Variants in MYO18A observed in about 807,000 individuals in gnomAD.
MYO18A encodes unconventional myosin-XVIIIa.
In MYO18A, 78 loss-of-function variants were observed where a neutral mutation model predicts 235.8. The observed-to-expected ratio is 0.33, with a 90% CI of 0.28 to 0.40. MYO18A has a LOEUF of 0.40. Among genes scored for constraint, MYO18A ranks in the 10% least tolerant of loss-of-function variants. The pLI is 1.00. For synonymous variants in MYO18A, 977 were observed against 1,077.8 expected, an observed-to-expected ratio of 0.91 and a Z score of 1.83; for missense variants, 2,215 against 2,699.3, an observed-to-expected ratio of 0.82 and a Z score of 3.98.
In MYO18A at chr17:29,109,959, C is replaced by T. The variant is rs1335591766; in HGVS notation, c.3230G>A (p.Gly1077Glu). The change falls in exon 19 of 42, where the codon GGA becomes GAA. Residue 1077 changes from glycine to glutamate, a missense_variant. Physicochemically the swap from Gly to Glu is moderately conservative, Grantham distance 98 (BLOSUM62 -2). Transcript: ENST00000527372. This position sits in a 1 kb window ranked among gnomAD's most constrained non-coding sequence, Gnocchi z 4.1. ...CAGGAGCCCAGCCTCGCAGTGGTCTCCCGAGGGCAGGTCCAGCTCACTGCT... is the reference window on the plus strand; with the variant it reads ...CAGGAGCCCAGCCTCGCAGTGGTCTTCCGAGGGCAGGTCCAGCTCACTGCT... The part of the protein sequence containing the change: ...SSSSELDLPS[G>E]DHCEAGLLQL... 5.0e-6 allele frequency: 8 copies of T among 1,609,698 alleles called. No individual in the cohort carries two copies. Among genetic ancestry groups the T allele is most frequent in the Non-Finnish European group, 5.9e-6 (7 of 1,178,338 alleles).
chr17:29,095,647 C>T (rs935222641), intron 28 of MYO18A, among the ~76,000 whole-genome samples: 11 of 152,218 alleles, frequency 7.2e-5, no homozygotes, highest in Admixed American at 4.6e-4. Context: ...CAGGGGGCCT[C>T]GTTCTTCACT....
intron 2 of MYO18A, among the ~76,000 whole-genome samples, chr17:29,139,151 C>A (rs1284646641): frequency 1.3e-5 from 2 of 152,152 alleles, no homozygotes; most frequent in Non-Finnish European, 2.9e-5. Context: ...GCAGGCCAGC[C>A]CAGAGGAAGC....
At chr17:29,098,593 T>C in intron 23 of MYO18A, 148 bp from the exon 24 acceptor site, 1 of 1,069,714 alleles carries the variant, frequency 9.3e-7, no homozygotes, top group African/African-American at 1.6e-5. Context: ...AGCCACTGCC[T>C]CCTGGGGATC....
intron 2 of MYO18A, among the ~76,000 whole-genome samples, chr17:29,154,588 TCTTG>T: frequency 6.6e-6 from 1 of 152,188 alleles, no homozygotes; most frequent in Admixed American, 6.5e-5. Flanking sequence ...CCAGTTTCCC[TCTTG>T]CCTCTGTTGA....
At chr17:29,131,619 G>A (rs1026796625) in intron 2 of MYO18A, among the ~76,000 whole-genome samples, 1 of 152,216 alleles carries the variant, frequency 6.6e-6, no homozygotes, top group African/African-American at 2.4e-5. Context: ...AATCAGAACT[G>A]TTCAGTGATG....
chr17:29,120,471 G>T lies in MYO18A; in HGVS notation c.1728+145C>A. The T allele has an allele frequency of 9.2e-7, 1 of 1,086,152 alleles. No individual in the cohort carries two copies. Among genetic ancestry groups the T allele is most frequent in the Non-Finnish European group, 1.3e-6 (1 of 764,748 alleles). 67.3% of individuals were successfully genotyped at this position (1,086,152 alleles called of 1,614,324 possible). On this transcript the variant is annotated intron_variant, in intron 7 of 41. Coordinates refer to ENST00000527372, the MANE Select transcript of MYO18A (RefSeq NM_078471.4). This position sits in a 1 kb window ranked among gnomAD's most constrained non-coding sequence, Gnocchi z 4.2. ...GGCAGAATGGTGATGCCTCTGGATA[G>T]TGCAGGCCAACCCTGCCCATGCCTG...
intron 31 of MYO18A, 140 bp from the exon 32 acceptor site, chr17:29,093,567 C>A: frequency 1.5e-6 from 1 of 681,454 alleles, no homozygotes; most frequent in Non-Finnish European, 2.5e-6. Context: ...GGGTCAGAAC[C>A]TAAATTCCAG....
At position 29,114,109 on chromosome 17, in the gene MYO18A, G is replaced by C; in HGVS notation, c.2512-12C>G. 1 of 1,582,576 alleles carries C rather than the reference G, an allele frequency of 6.3e-7. No individual in the cohort carries two copies. Among genetic ancestry groups the C allele is most frequent in the Non-Finnish European group, 8.6e-7 (1 of 1,163,792 alleles). On this transcript the variant is annotated splice_polypyrimidine_tract_variant and intron_variant, in intron 14 of 41. Transcript: ENST00000527372. The stretch of plus-strand genomic sequence containing the variant: ...AGCTCGATGTTCTCCTGGGAAAGAA[G>C]GCCGAGCGGTAGTGAGCATGGGGGT...
At chr17:29,127,172 G>GC (rs1289125081) in intron 2 of MYO18A, among the ~76,000 whole-genome samples, 1 of 151,988 alleles carries the variant, frequency 6.6e-6, no homozygotes, top group Non-Finnish European at 1.5e-5. Context: ...AATCCCAAAA[G>GC]CCCCCCCAAA....
chr17:29,107,825 A>G (rs1441506854), intron 19 of MYO18A, among the ~76,000 whole-genome samples: 1 of 151,630 alleles, frequency 6.6e-6, no homozygotes, highest in Non-Finnish European at 1.5e-5. Context: ...CCGAGGCAGA[A>G]GAATCGCTTG....
At position 29,090,832 on chromosome 17, in the gene MYO18A, T is replaced by G. The variant is rs1443252071; in HGVS notation, c.5282A>C (p.Lys1761Thr). 6.2e-7 allele frequency: 1 copy of G among 1,614,058 alleles called. No individual in the cohort carries two copies. Among genetic ancestry groups the G allele is most frequent in the East Asian group, 2.2e-5 (1 of 44,878 alleles). ...TACCTGAGCCACGGCAGCCTTGTGC[T>G]TCTTCATCAATTCGTTCATGTCTTC... is the stretch of plus-strand genomic sequence containing the variant. ...DQEDMNELMK[K>T]HKAAVAQASR... is the part of the protein sequence containing the mutation. Residue 1761 changes from lysine to threonine, a missense_variant, in exon 35 of 42, where the codon AAG (lysine) becomes ACG (threonine). By Grantham distance (78) the Lys-to-Thr change is moderately conservative. Transcript: ENST00000527372.
intron 2 of MYO18A, among the ~76,000 whole-genome samples, chr17:29,142,623 G>C (rs944127295): frequency 6.6e-6 from 1 of 152,210 alleles, no homozygotes; most frequent in Non-Finnish European, 1.5e-5. Context: ...CAGCATCTGT[G>C]TTTTAACTAG....
At chr17:29,101,503 C>T (rs2152794524) in intron 21 of MYO18A, among the ~76,000 whole-genome samples, 1 of 152,260 alleles carries the variant, frequency 6.6e-6, no homozygotes, top group South Asian at 2.1e-4. Context: ...GATGGGGTTT[C>T]ACCATGTTGC....
chr17:29,122,042 C>A (rs186106569), intron 3 of MYO18A, 85 bp from the exon 4 acceptor site: 11 of 1,510,118 alleles, frequency 7.3e-6, no homozygotes, highest in East Asian at 2.3e-5. Context: ...ATCCTCCCCC[C>A]CACTGCATCA....
chr17:29,135,979 G>GA (rs2067587733), intron 2 of MYO18A, among the ~76,000 whole-genome samples: 1 of 152,162 alleles, frequency 6.6e-6, no homozygotes, highest in South Asian at 2.1e-4. Context: ...TGTAATCCCA[G>GA]AACTTTGGGA....
At chr17:29,102,090 A>G (rs1029638310) in intron 21 of MYO18A, among the ~76,000 whole-genome samples, 4 of 152,074 alleles carry the variant, frequency 2.6e-5, no homozygotes, top group Non-Finnish European at 5.9e-5. Context: ...CCCAAACTAG[A>G]TGTGAGCAGG....
chr17:29,105,192 AAAAAG>A, intron 20 of MYO18A, among the ~76,000 whole-genome samples: 1 of 150,602 alleles, frequency 6.6e-6, no homozygotes, highest in Non-Finnish European at 1.5e-5. Flanking sequence ...AAAAAAAAAA[AAAAAG>A]AAAAGTGCCG....
chr17:29,147,449 G>A (rs2067872002), intron 2 of MYO18A, among the ~76,000 whole-genome samples: 1 of 152,086 alleles, frequency 6.6e-6, no homozygotes, highest in African/African-American at 2.4e-5. Context: ...GCCCAGGGAA[G>A]GTCAAGGCTG....
chr17:29,098,236 G>A lies in MYO18A; in HGVS notation c.3871-12C>T. Reference sequence around the variant, plus strand: ...GTCAGCTCTGAGATCTGGGGTTGGGGGTAGGGAGTCACCACCAGTTGAAGT... The same window carrying A: ...GTCAGCTCTGAGATCTGGGGTTGGGAGTAGGGAGTCACCACCAGTTGAAGT... On this transcript the variant is annotated splice_polypyrimidine_tract_variant and intron_variant, in intron 24 of 41. Coordinates refer to ENST00000527372, the MANE Select transcript of MYO18A (RefSeq NM_078471.4). The A allele has an allele frequency of 6.2e-7, 1 of 1,613,846 alleles. No homozygotes were observed. The highest frequency in any genetic ancestry group is 8.5e-7 in the Non-Finnish European group (1 of 1,179,806).
Sources: gnomAD v4.1 joint callset for allele counts (sites outside exome capture counted in the v4.1 genomes callset) on GRCh38, gnomAD v4.1.1 for gene constraint, Gnocchi (gnomAD v3.1) non-coding constraint, MANE v1.5 for transcripts, NCBI Gene and HGNC (gene_info 2026-07-23, HGNC 2026-07-21) for gene names.